CACNA2D1: variants seen among roughly 807,000 people sequenced by gnomAD.
The protein encoded by CACNA2D1 is calcium voltage-gated channel auxiliary subunit alpha2delta 1.
CACNA2D1 carries 53 observed loss-of-function variants against 171.5 expected under a neutral mutation model. The observed-to-expected ratio is 0.31, with a 90% CI of 0.25 to 0.39. The LOEUF is 0.39. CACNA2D1 is among the 10% of genes least tolerant of loss of function. The probability of loss-of-function intolerance (pLI) is 1.00; values close to 1 mark genes in which losing one functional copy is unlikely to be tolerated. For synonymous variants in CACNA2D1, 442 were observed against 443.1 expected (o/e 1.00, Z 0.03); for missense variants, 903 against 1,299.8 (o/e 0.69, Z 4.69).
chr7:82,201,750 CTAACCCCTAACCA>C (rs1799460305), intron 3 of CACNA2D1, among the ~76,000 whole-genome samples: 1 of 152,188 alleles, frequency 6.6e-6, no homozygotes, highest in Admixed American at 6.5e-5. Context: ...ATACAAAAGG[CTAACCCCTAACCA>C]TCACTGATGT....
At chr7:82,394,064 T>C (rs1825504652) in intron 1 of CACNA2D1, among the ~76,000 whole-genome samples, 1 of 151,954 alleles carries the variant, frequency 6.6e-6, no homozygotes, top group African/African-American at 2.4e-5. Flanking sequence ...TGCAAATAAA[T>C]AAAGCATATT....
At chr7:82,339,704 G>T (rs1473212772) in intron 2 of CACNA2D1, among the ~76,000 whole-genome samples, 3 of 152,204 alleles carry the variant, frequency 2.0e-5, no homozygotes, top group Non-Finnish European at 4.4e-5. Context: ...TTAAGTAGAA[G>T]TAGAACTGAA....
chr7:82,135,093 A>G (rs371730168), intron 5 of CACNA2D1, among the ~76,000 whole-genome samples: 1 of 152,102 alleles, frequency 6.6e-6, no homozygotes, highest in Admixed American at 6.5e-5. Context: ...TTAGAGAAGA[A>G]ATACTTATTT....
chr7:82,265,843 A>C (rs1206558007), intron 3 of CACNA2D1, among the ~76,000 whole-genome samples: 2 of 152,108 alleles, frequency 1.3e-5, no homozygotes, highest in African/African-American at 2.4e-5. Context: ...AATTTGGAGA[A>C]CTGAGAGGCA....
At chr7:82,012,087 A>G (rs1209939693) in intron 15 of CACNA2D1, 67 bp downstream of exon 15, 3 of 975,618 alleles carry the variant, frequency 3.1e-6, no homozygotes, top group Non-Finnish European at 5.0e-6. Context: ...CATCATCTAG[A>G]AAGAAGTAGA....
At chr7:82,214,429 C>G (rs1487213266) in intron 3 of CACNA2D1, among the ~76,000 whole-genome samples, 14 of 151,086 alleles carry the variant, frequency 9.3e-5, no homozygotes, top group Non-Finnish European at 8.8e-5. Flanking sequence ...AGGAGCAAGC[C>G]CATGCGCAAG....
At chr7:81,953,536 A>G (rs1467493946) in intron 38 of CACNA2D1, among the ~76,000 whole-genome samples, 1 of 150,430 alleles carries the variant, frequency 6.6e-6, no homozygotes, top group African/African-American at 2.4e-5. Context: ...ACAGGGTACC[A>G]GTAACAATTG....
At chr7:81,959,426 T>A in intron 37 of CACNA2D1, 69 bp from the exon 38 acceptor site, 1 of 1,061,792 alleles carries the variant, frequency 9.4e-7, no homozygotes, top group Admixed American at 1.7e-5. Flanking sequence ...TACAATGCAA[T>A]GTATTTCCCA....
chr7:82,258,817 C>CTTTTTTTTTTTTTTATTTTTTTTTTTTT (rs1806649877), intron 3 of CACNA2D1, among the ~76,000 whole-genome samples: 1 of 72,618 alleles, frequency 1.4e-5, no homozygotes, highest in African/African-American at 5.4e-5. Context: ...TCTTACTTTT[C>CTTTTTTTTTTTTTTATTTTTTTTTTTTT]TTTTTTTTTT....
At chr7:81,972,111 C>G (rs1462216137) in intron 25 of CACNA2D1, among the ~76,000 whole-genome samples, 2 of 151,418 alleles carry the variant, frequency 1.3e-5, no homozygotes, top group African/African-American at 4.8e-5. Context: ...TAAACTTTAT[C>G]AAAATAAGAA....
At chr7:82,290,782 G>C (rs1378135177) in intron 3 of CACNA2D1, among the ~76,000 whole-genome samples, 2 of 151,720 alleles carry the variant, frequency 1.3e-5, no homozygotes, top group Non-Finnish European at 1.5e-5. Context: ...TTTTAGTAGA[G>C]ATGGGGTTTC....
At chr7:81,995,719 A>G (rs1351665470) in intron 19 of CACNA2D1, among the ~76,000 whole-genome samples, 1 of 151,318 alleles carries the variant, frequency 6.6e-6, no homozygotes, top group Non-Finnish European at 1.5e-5. Flanking sequence ...GAATGGCATG[A>G]ACCCAGGAGG....
intron 1 of CACNA2D1, among the ~76,000 whole-genome samples, chr7:82,397,743 AATC>A (rs764614415): frequency 7.9e-5 from 12 of 152,252 alleles, no homozygotes; most frequent in Non-Finnish European, 1.2e-4. Flanking sequence ...TGACCCATTT[AATC>A]ATCGTTACCA....
At chr7:82,068,484 C>T (rs1406789498) in intron 7 of CACNA2D1, among the ~76,000 whole-genome samples, 1 of 152,158 alleles carries the variant, frequency 6.6e-6, no homozygotes, top group African/African-American at 2.4e-5. Context: ...TGTTATTACA[C>T]ATTATATAAT....
intron 11 of CACNA2D1, 75 bp downstream of exon 11, chr7:82,038,002 T>C (rs1351555677): frequency 2.1e-6 from 3 of 1,398,530 alleles, no homozygotes; most frequent in African/African-American, 2.8e-5. Flanking sequence ...CAGAGAGTAG[T>C]AACTATCAGA....
chr7:82,016,678 A>G (rs1318135248), intron 12 of CACNA2D1, among the ~76,000 whole-genome samples: 2 of 142,100 alleles, frequency 1.4e-5, no homozygotes, highest in African/African-American at 5.1e-5. Flanking sequence ...CTTAACTTCT[A>G]CGTGTTTGCT....
At chr7:81,991,329 T>C (rs1441898319) in intron 20 of CACNA2D1, 83 bp from the exon 21 acceptor site, 2 of 768,832 alleles carry the variant, frequency 2.6e-6, no homozygotes, top group Non-Finnish European at 4.7e-6. Flanking sequence ...AATTTACTTA[T>C]AAATTTTGTA....
intron 3 of CACNA2D1, among the ~76,000 whole-genome samples, chr7:82,190,331 G>T (rs1190351412): frequency 6.6e-6 from 1 of 151,574 alleles, no homozygotes; most frequent in East Asian, 1.9e-4. Context: ...ATCCATAATT[G>T]TATTAACTAT....
chr7:82,081,244 T>G (rs780508922), intron 7 of CACNA2D1, among the ~76,000 whole-genome samples: 7 of 152,210 alleles, frequency 4.6e-5, no homozygotes, highest in Admixed American at 2.6e-4. Context: ...CCTTCTATAT[T>G]ATTTTGCTTC....
Sources: allele counts gnomAD v4.1 joint callset (sites outside exome capture counted in the v4.1 genomes callset), GRCh38; gene constraint gnomAD v4.1.1; transcripts MANE v1.5; gene names NCBI Gene and HGNC (gene_info 2026-07-23, HGNC 2026-07-21).